STXBP4: variants seen among roughly 807,000 people sequenced by gnomAD.
STXBP4 encodes syntaxin binding protein 4, also known as syntaxin-binding protein 4.
In STXBP4, 55 loss-of-function variants were observed where a neutral mutation model predicts 76.1. The ratio of observed to expected loss-of-function variants is 0.72; its 90% CI spans 0.58 to 0.91. The LOEUF (loss-of-function observed/expected upper bound fraction) is 0.91. Ranked by LOEUF, STXBP4 falls within the 40% of genes least tolerant of loss-of-function variation. The pLI is 0.00. For synonymous variants in STXBP4, 201 were observed against 220.2 expected (o/e 0.91, Z 0.77); for missense variants, 618 against 636.9 (o/e 0.97, Z 0.32).
rs149522550 is a variant in STXBP4, at chr17:55,075,848, A to T, written c.1189-2230A>T. ...TGCATCTCTTCTCAACTCAATGTAC[A>T]GTGATATCAGGTTGGTAGCTTGAAA... is the stretch of plus-strand genomic sequence containing the variant. On this transcript the variant is annotated intron_variant, in intron 13 of 17. Coordinates refer to ENST00000376352, the MANE Select transcript of STXBP4 (RefSeq NM_178509.6). Among the ~76,000 whole-genome samples the T allele has an allele frequency of 2.6e-3, 396 of 152,276 alleles. 2 individuals carry two copies. Among genetic ancestry groups the T allele is most frequent in the African/African-American group, 9.0e-3 (372 of 41,562 alleles).
At chr17:55,018,898 T>C (rs994555892) in intron 8 of STXBP4, among the ~76,000 whole-genome samples, 1 of 152,244 alleles carries the variant, frequency 6.6e-6, no homozygotes, top group African/African-American at 2.4e-5. Context: ...TCAGGCCATC[T>C]GGATGTATAC....
chr17:54,996,959 G>A (rs1279491773), intron 4 of STXBP4, among the ~76,000 whole-genome samples: 2 of 152,166 alleles, frequency 1.3e-5, no homozygotes, highest in Non-Finnish European at 2.9e-5. Context: ...ACATCTACAT[G>A]AATGTCAATG....
At chr17:55,008,299 A>G (rs1055392584) in intron 8 of STXBP4, among the ~76,000 whole-genome samples, 3 of 152,042 alleles carry the variant, frequency 2.0e-5, no homozygotes, top group Non-Finnish European at 4.4e-5. Flanking sequence ...GCATTCTTAC[A>G]TTTTAGGAAG....
chr17:55,088,888 C>G (rs1394007133), intron 16 of STXBP4, among the ~76,000 whole-genome samples: 1 of 152,158 alleles, frequency 6.6e-6, no homozygotes, highest in Non-Finnish European at 1.5e-5. Context: ...GCCATCCCAG[C>G]CTCACCAGAA....
chr17:54,972,621 A>T (rs1335485139), intron 1 of STXBP4, among the ~76,000 whole-genome samples: 1 of 152,178 alleles, frequency 6.6e-6, no homozygotes, highest in Non-Finnish European at 1.5e-5. Context: ...ACAATGTGCC[A>T]TGCTTATCTT....
intron 11 of STXBP4, among the ~76,000 whole-genome samples, chr17:55,045,256 T>C (rs2078769755): frequency 6.6e-6 from 1 of 152,146 alleles, no homozygotes; most frequent in African/African-American, 2.4e-5. Flanking sequence ...GAAACCGCTA[T>C]CTTTCCACAT....
At chr17:55,195,153 G>A in the STXBP4 span, among the ~76,000 whole-genome samples, 1 of 152,126 alleles carries the variant, frequency 6.6e-6, no homozygotes, top group Non-Finnish European at 1.5e-5. Flanking sequence ...GAGCACCCCT[G>A]GGCCAATCAG....
chr17:54,969,763 C>A (rs1330669417), intron 1 of STXBP4, among the ~76,000 whole-genome samples: 2 of 152,110 alleles, frequency 1.3e-5, no homozygotes, highest in Non-Finnish European at 2.9e-5. Flanking sequence ...TTATTTATTG[C>A]CCTCTCAACT....
At chr17:55,044,506 T>G (rs1035644688) in intron 11 of STXBP4, 4 of 151,980 alleles carry the variant, frequency 2.6e-5, no homozygotes, top group African/African-American at 9.7e-5. Flanking sequence ...AAATTATATT[T>G]TTTAAAAATA....
chr17:55,131,543 A>G (rs1284630322), intron 16 of STXBP4, among the ~76,000 whole-genome samples: 3 of 152,214 alleles, frequency 2.0e-5, no homozygotes, highest in African/African-American at 7.2e-5. Context: ...AGCAAATGGT[A>G]GTGTCCATTT....
chr17:55,137,917 A>T (rs554364789), intron 16 of STXBP4, among the ~76,000 whole-genome samples: 22 of 152,230 alleles, frequency 1.4e-4, no homozygotes, highest in African/African-American at 5.3e-4. Flanking sequence ...ATGTTTGCTA[A>T]TCTGATAGAT....
chr17:55,196,787 C>T, the STXBP4 span, among the ~76,000 whole-genome samples: 1 of 152,178 alleles, frequency 6.6e-6, no homozygotes, highest in Admixed American at 6.5e-5. Flanking sequence ...GCCCACCTCA[C>T]CCTAGAATAG....
intron 12 of STXBP4, among the ~76,000 whole-genome samples, chr17:55,058,958 T>TG: frequency 6.6e-6 from 1 of 152,214 alleles, no homozygotes; most frequent in East Asian, 1.9e-4. Context: ...TATTGCTCAC[T>TG]TTATATATAT....
the STXBP4 span, among the ~76,000 whole-genome samples, chr17:55,201,826 C>T: frequency 6.6e-6 from 1 of 152,216 alleles, no homozygotes; most frequent in Non-Finnish European, 1.5e-5. Context: ...CCCAGCAAGG[C>T]TGAGCATGCA....
At chr17:55,091,662 A>C (rs959471606) in intron 16 of STXBP4, among the ~76,000 whole-genome samples, 2 of 152,210 alleles carry the variant, frequency 1.3e-5, no homozygotes, top group African/African-American at 2.4e-5. Flanking sequence ...CTGAGCAAGC[A>C]TGATGGTGAT....
intron 4 of STXBP4, chr17:54,991,751 A>C (rs1023700309): frequency 1.3e-5 from 2 of 150,502 alleles, no homozygotes; most frequent in African/African-American, 4.8e-5. Context: ...AATATTCTCC[A>C]TTTGATTGAC....
intron 4 of STXBP4, among the ~76,000 whole-genome samples, 183 bp from the exon 5 acceptor site, chr17:54,999,162 A>G (rs2077864979): frequency 6.6e-6 from 1 of 152,116 alleles, no homozygotes; most frequent in Admixed American, 6.6e-5. Context: ...CATTTTACTC[A>G]TAATATATGT....
At chr17:55,191,765 C>A in the STXBP4 span, among the ~76,000 whole-genome samples, 9 of 152,160 alleles carry the variant, frequency 5.9e-5, no homozygotes, top group Non-Finnish European at 1.0e-4. Flanking sequence ...CTCAAGATAT[C>A]CAGCAATTCA....
chr17:55,082,669 A>G (rs2079271008), intron 16 of STXBP4, among the ~76,000 whole-genome samples: 1 of 152,110 alleles, frequency 6.6e-6, no homozygotes, highest in Admixed American at 6.6e-5. Flanking sequence ...ATGCCTCACA[A>G]ATTTCCAAAA....
Sources: allele counts gnomAD v4.1 joint callset (sites outside exome capture counted in the v4.1 genomes callset), GRCh38; gene constraint gnomAD v4.1.1; transcripts MANE v1.5; gene names NCBI Gene and HGNC (gene_info 2026-07-23, HGNC 2026-07-21).